CREB3L2: variants seen among roughly 807,000 people sequenced by gnomAD.
CREB3L2 encodes the protein cAMP responsive element binding protein 3 like 2.
A neutral mutation model predicts 57.2 loss-of-function variants in CREB3L2; 23 were observed. The ratio of observed to expected loss-of-function variants is 0.40; its 90% CI spans 0.29 to 0.57. The LOEUF (loss-of-function observed/expected upper bound fraction) is 0.57. Ranked by LOEUF, CREB3L2 falls within the 20% of genes least tolerant of loss-of-function variation. CREB3L2 has a pLI of 0.42. For missense variants in CREB3L2, 628 were observed against 634.7 expected, an observed-to-expected ratio of 0.99 and a Z score of 0.11; for synonymous variants, 268 against 265.1, an observed-to-expected ratio of 1.01 and a Z score of -0.11.
chr7:137,997,527 C>G (rs1021868790), intron 1 of CREB3L2, among the ~76,000 whole-genome samples: 2 of 151,036 alleles, frequency 1.3e-5, no homozygotes, highest in African/African-American at 4.9e-5. Flanking sequence ...TGGAGACCAG[C>G]CTGGGCAACA....
rs762389207 is a variant in CREB3L2, at chr7:137,882,544, C to A, written c.1355G>T (p.Gly452Val). The change falls in exon 11 of 12, where the codon GGC becomes GTC. Residue 452 changes from glycine (G) to valine (V), a missense_variant. By Grantham distance (109) the Gly-to-Val change is moderately radical. Around this residue, in one of 3 missense-constraint regions of CREB3L2, gnomAD observed 272 missense variants for 242.7 expected, o/e 1.12. Transcript: ENST00000330387. Reference protein sequence around the residue: ...SSPGSAGELGGWDRGSSLLRV... With the variant: ...SSPGSAGELGVWDRGSSLLRV... ...GAGCAGGGAGGAACCTCTATCCCAG[C>A]CCCCCAGCTCCCCAGCCGAGCCCGG... 12 of 1,613,414 alleles carry A rather than the reference C, an allele frequency of 7.4e-6. No homozygotes were observed. The highest frequency in any genetic ancestry group is 2.2e-5 in the South Asian group (2 of 91,046).
rs199637151 is a variant in CREB3L2, at chr7:137,970,896, A to AG, written c.102+30707dup. 2.0e-5 allele frequency among the ~76,000 whole-genome samples: 3 copies of AG among 152,202 alleles called. No homozygotes were observed. The East Asian group carries it at 5.8e-4, about 29-fold the overall frequency. On this transcript the variant is annotated intron_variant, in intron 1 of 11. Coordinates refer to ENST00000330387, the MANE Select transcript of CREB3L2 (RefSeq NM_194071.4). The stretch of plus-strand genomic sequence containing the variant: ...TCCTCCAGCTATTTCTCCAGCTTAC[A>AG]GAAGAAGTGTTTATGCAGTGTGCAC...
intron 5 of CREB3L2, among the ~76,000 whole-genome samples, chr7:137,907,508 G>A (rs56249419): frequency 0.029 from 4,484 of 152,308 alleles, 102 homozygotes; most frequent in African/African-American, 0.065. Context: ...TTCAGGGACA[G>A]AATCAATACA....
At position 137,981,482 on chromosome 7, in the gene CREB3L2, AC is replaced by A. The variant is rs371459448; in HGVS notation, c.102+20121del. ...AGAGAAGGATTAGTCATGTGGGAGA[AC>A]CAGGAAGTAGAGAACAAGAAAAAAT... On this transcript the variant is annotated intron_variant, in intron 1 of 11. Coordinates refer to ENST00000330387, the MANE Select transcript of CREB3L2 (RefSeq NM_194071.4). Among the ~76,000 whole-genome samples the A allele has an allele frequency of 4.6e-5, 7 of 152,362 alleles. No individual in the cohort carries two copies. The East Asian group carries it at 7.7e-4, about 17-fold the overall frequency.
rs1006891536 is a variant in CREB3L2, at chr7:137,899,669, T to C, written c.1043+1685A>G. The stretch of plus-strand genomic sequence containing the variant: ...TCATGAGATCAAGGTAATGCCACAC[T>C]AAGTTGGTGGCACTTCCTCCCTTTG... On this transcript the variant is annotated intron_variant, in intron 8 of 11. Transcript: ENST00000330387. 1.2e-4 allele frequency among the ~76,000 whole-genome samples: 18 copies of C among 152,168 alleles called. 1 individual carries two copies. In the East Asian group the frequency reaches 1.4e-3, roughly 11 times the overall value.
rs370106999 is a variant in CREB3L2 at position 137,928,211 on chromosome 7, G to A, written c.258C>T (p.Cys86=). The part of the protein sequence containing the change: ...LIQAEHSYSL[C]EEPRAQSPFT... ...AGGGCGACTGGGCCCGAGGCTCCTC[G>A]CACAGGGAGTAGCTGTGCTCAGCCT... Residue 86 remains cysteine, a synonymous_variant, in exon 2 of 12, where the codon TGC becomes TGT. Transcript: ENST00000330387. 2.1e-5 allele frequency: 33 copies of A among 1,607,278 alleles called. No individual in the cohort carries two copies. Among genetic ancestry groups the A allele is most frequent in the Middle Eastern group, 1.7e-4 (1 of 6,056 alleles).
intron 3 of CREB3L2, among the ~76,000 whole-genome samples, 156 bp from the exon 4 acceptor site, chr7:137,913,234 T>C (rs1483194803): frequency 2.0e-5 from 3 of 152,160 alleles, no homozygotes; most frequent in African/African-American, 7.2e-5. Flanking sequence ...CAGGGAGTCA[T>C]TTTAGTTCTT....
Position 137,879,341 on chromosome 7 carries a change from G to A in CREB3L2, c.*1135C>T. The A allele has an allele frequency of 2.0e-6, 1 of 511,026 alleles. No individual in the cohort carries two copies. The allele number at this position is 511,026 out of a possible 1,614,324, so 31.7% of individuals were successfully genotyped here. ...ACGAGGAGGACAAAGTGGAAGTGTG[G>A]AGGGAGGAGGGGGCCAGGCAGGTGT... On this transcript the variant is annotated 3_prime_UTR_variant, in exon 12 of 12. Transcript: ENST00000330387.
chr7:137,964,451 CGT>C (rs1463463583), intron 1 of CREB3L2, among the ~76,000 whole-genome samples: 1 of 152,186 alleles, frequency 6.6e-6, no homozygotes, highest in Admixed American at 6.5e-5. Context: ...TGTTTTCCTC[CGT>C]GTTTAGCCTT....
chr7:137,902,802 T>TA (rs1799791609), intron 7 of CREB3L2, among the ~76,000 whole-genome samples: 2 of 151,716 alleles, frequency 1.3e-5, no homozygotes, highest in East Asian at 1.9e-4. Context: ...AGTTTTTTTT[T>TA]ATTGAGTTGT....
chr7:137,898,041 A>G (rs1390555469), intron 8 of CREB3L2, among the ~76,000 whole-genome samples: 3 of 152,256 alleles, frequency 2.0e-5, no homozygotes, highest in Non-Finnish European at 4.4e-5. Flanking sequence ...TATTAAAAAC[A>G]TATGAGGAAC....
At chr7:137,963,664 G>T (rs1801360923) in intron 1 of CREB3L2, among the ~76,000 whole-genome samples, 1 of 152,086 alleles carries the variant, frequency 6.6e-6, no homozygotes, top group Non-Finnish European at 1.5e-5. Context: ...TTATATTAGA[G>T]TCTCTGGCCA....
At chr7:137,948,015 T>C (rs1025563208) in intron 1 of CREB3L2, among the ~76,000 whole-genome samples, 1 of 152,192 alleles carries the variant, frequency 6.6e-6, no homozygotes, top group Admixed American at 6.5e-5. Flanking sequence ...GTCCTCCTGC[T>C]CTGTTTCTGG....
At chr7:137,938,338 G>T (rs1015838583) in intron 1 of CREB3L2, among the ~76,000 whole-genome samples, 2 of 151,998 alleles carry the variant, frequency 1.3e-5, no homozygotes, top group South Asian at 2.1e-4. Flanking sequence ...TCAGAAATGG[G>T]TTTTTTGTTT....
intron 1 of CREB3L2, among the ~76,000 whole-genome samples, chr7:137,952,335 C>T (rs1447645801): frequency 6.6e-6 from 1 of 152,136 alleles, no homozygotes; most frequent in Non-Finnish European, 1.5e-5. Flanking sequence ...TGTTTGATTT[C>T]TATTAACCAT....
At chr7:137,977,062 G>C (rs10241468) in intron 1 of CREB3L2, among the ~76,000 whole-genome samples, 7,333 of 152,200 alleles carry the variant, frequency 0.048, 458 homozygotes, top group African/African-American at 0.14. Context: ...GGGAAATTCA[G>C]GTCTAAAGAC....
intron 1 of CREB3L2, among the ~76,000 whole-genome samples, chr7:137,951,814 C>T (rs1801107254): frequency 2.6e-5 from 4 of 152,152 alleles, no homozygotes; most frequent in Admixed American, 1.3e-4. Context: ...TAGGGAGACT[C>T]TGTCTCTACC....
chr7:137,884,689 T>C (rs1799372144), intron 10 of CREB3L2: 1 of 592,884 alleles, frequency 1.7e-6, no homozygotes, highest in Non-Finnish European at 3.0e-6. Context: ...ACTCTTTCCC[T>C]CATCTGCTTC....
intron 1 of CREB3L2, chr7:137,955,174 T>G (rs955491714): frequency 1.3e-4 from 89 of 702,624 alleles, no homozygotes; most frequent in Middle Eastern, 8.4e-4. Flanking sequence ...ACGCTACTAC[T>G]TCATCATTAG....
Sources: gnomAD v4.1 joint callset for allele counts (sites outside exome capture counted in the v4.1 genomes callset) on GRCh38, gnomAD v4.1.1 for gene constraint, gnomAD v4.1.1 regional missense constraint, MANE v1.5 for transcripts, NCBI Gene and HGNC (gene_info 2026-07-23, HGNC 2026-07-21) for gene names.